ELFN1: variants seen among roughly 807,000 people sequenced by gnomAD.
The protein encoded by ELFN1 is protein ELFN1.
In ELFN1, 6 loss-of-function variants were observed where a neutral mutation model predicts 7.6. The observed-to-expected ratio is 0.79, with a 90% CI of 0.43 to 1.56. The LOEUF (loss-of-function observed/expected upper bound fraction) is 1.56. Among genes scored for constraint, ELFN1 ranks in the 40% most tolerant of loss-of-function variants. ELFN1 has a pLI of 0.01. For missense variants in ELFN1, 1,169 were observed against 1,232.2 expected, an observed-to-expected ratio of 0.95 and a Z score of 0.77; for synonymous variants, 657 against 588.1, an observed-to-expected ratio of 1.12 and a Z score of -1.70.
At chr7:1,708,368 C>A (rs561235351) in intron 2 of ELFN1, among the ~76,000 whole-genome samples, 3 of 152,198 alleles carry the variant, frequency 2.0e-5, no homozygotes, top group Admixed American at 2.0e-4. Context: ...AGTGGGTGGA[C>A]GAATGACCTG....
intron 3 of ELFN1, among the ~76,000 whole-genome samples, chr7:1,743,560 C>T (rs979634132): frequency 6.6e-6 from 1 of 152,150 alleles, no homozygotes; most frequent in Non-Finnish European, 1.5e-5. Flanking sequence ...AACTGAGGCC[C>T]AGAGGGGGCA....
At chr7:1,723,696 C>T (rs1780094815) in intron 3 of ELFN1, among the ~76,000 whole-genome samples, 4 of 152,234 alleles carry the variant, frequency 2.6e-5, no homozygotes, top group Admixed American at 2.0e-4. Context: ...GCATCTTTGC[C>T]TTGGTGAGAT....
chr7:1,742,248 T>C (rs1455137931), intron 3 of ELFN1: 4 of 152,228 alleles, frequency 2.6e-5, no homozygotes, highest in Non-Finnish European at 5.9e-5. Context: ...TTAAAGGTGA[T>C]TACGATTGTG....
intron 3 of ELFN1, among the ~76,000 whole-genome samples, chr7:1,712,949 A>C (rs1779705930): frequency 6.6e-6 from 1 of 152,170 alleles, no homozygotes; most frequent in Non-Finnish European, 1.5e-5. Flanking sequence ...CCTGGCATCA[A>C]GTAGATACTC....
rs1393360021 is a variant in ELFN1, at chr7:1,695,118, G to A, written c.-456+6968G>A. 7.2e-5 allele frequency among the ~76,000 whole-genome samples: 11 copies of A among 152,242 alleles called. No homozygotes were observed. Among genetic ancestry groups the A allele is most frequent in the Admixed American group, 3.3e-4 (5 of 15,286 alleles). Reference sequence around the variant, plus strand: ...GCTGTGCCAGGCAGCAGACGTGGCCGACAGGCACATGGTGGGACCTGCTCT... The same window carrying A: ...GCTGTGCCAGGCAGCAGACGTGGCCAACAGGCACATGGTGGGACCTGCTCT... On this transcript the variant is annotated intron_variant, in intron 2 of 3. Coordinates refer to ENST00000424383, the MANE Select transcript of ELFN1 (RefSeq NM_001128636.4). This position sits in a 1 kb window ranked among gnomAD's most constrained non-coding sequence, Gnocchi z 5.1.
intron 2 of ELFN1, among the ~76,000 whole-genome samples, chr7:1,697,910 G>T (rs1318772635): frequency 1.3e-5 from 2 of 152,188 alleles, no homozygotes; most frequent in Non-Finnish European, 2.9e-5. Flanking sequence ...TCAGCCTCCA[G>T]GTGTGGGAAG....
At chr7:1,725,961 A>ACTCG (rs1780183105) in intron 3 of ELFN1, among the ~76,000 whole-genome samples, 1 of 151,882 alleles carries the variant, frequency 6.6e-6, no homozygotes, top group Non-Finnish European at 1.5e-5. Flanking sequence ...CAAAAGTCAC[A>ACTCG]CAATACACAA....
intron 1 of ELFN1, among the ~76,000 whole-genome samples, chr7:1,683,468 T>A (rs1179192346): frequency 6.6e-6 from 1 of 152,248 alleles, no homozygotes; most frequent in Non-Finnish European, 1.5e-5. Context: ...GGTGTAAAGT[T>A]GTTCATAATA....
chr7:1,704,455 A>G (rs1779488933), intron 2 of ELFN1, among the ~76,000 whole-genome samples: 1 of 151,776 alleles, frequency 6.6e-6, no homozygotes, highest in African/African-American at 2.4e-5. Context: ...ATGCACACAC[A>G]CTCATGCATG....
intron 3 of ELFN1, among the ~76,000 whole-genome samples, chr7:1,719,195 A>G (rs1251736162): frequency 3.7e-5 from 4 of 108,910 alleles, no homozygotes; most frequent in Admixed American, 9.1e-5. Context: ...ACAGGACCCA[A>G]GCCACCAACA....
chr7:1,713,290 C>T (rs1456679163), intron 3 of ELFN1, among the ~76,000 whole-genome samples: 1 of 152,164 alleles, frequency 6.6e-6, no homozygotes, highest in African/African-American at 2.4e-5. Context: ...GCTTCCCAGC[C>T]CGGCCCACCT....
chr7:1,701,127 G>T (rs1215359859), intron 2 of ELFN1, among the ~76,000 whole-genome samples: 1 of 151,612 alleles, frequency 6.6e-6, no homozygotes, highest in Non-Finnish European at 1.5e-5. Flanking sequence ...ATGTGAGCCT[G>T]TGTGTGCATG....
At chr7:1,688,702 A>G (rs1484902562) in intron 2 of ELFN1, among the ~76,000 whole-genome samples, 1 of 152,174 alleles carries the variant, frequency 6.6e-6, no homozygotes, top group Non-Finnish European at 1.5e-5. Flanking sequence ...TGTACCCTTT[A>G]TCCAGTTCCC....
At position 1,747,105 on chromosome 7, in the gene ELFN1, C is replaced by G; in HGVS notation, c.*22C>G. ...CTGAGCCCCCCAAGACCGGCGATGC[C>G]CACTGGACCAAAAAGGATGCAGGAT... On this transcript the variant is annotated 3_prime_UTR_variant, in exon 4 of 4. Coordinates refer to ENST00000424383, the MANE Select transcript of ELFN1 (RefSeq NM_001128636.4). The G allele has an allele frequency of 9.7e-6, 14 of 1,446,448 alleles. No homozygotes were observed. The highest frequency in any genetic ancestry group is 1.3e-5 in the Non-Finnish European group (14 of 1,093,258). 89.6% of individuals were successfully genotyped at this position (1,446,448 alleles called of 1,614,324 possible).
chr7:1,697,241 C>CGGT (rs1420550613), intron 2 of ELFN1, among the ~76,000 whole-genome samples: 2 of 152,206 alleles, frequency 1.3e-5, no homozygotes, highest in Non-Finnish European at 2.9e-5. Flanking sequence ...AGGGGAGGGT[C>CGGT]TCACGCCCAT....
rs888819671 is a variant in ELFN1, at chr7:1,695,761, A to AC, written c.-456+7611_-456+7612insC. On this transcript the variant is annotated intron_variant, in intron 2 of 3. Coordinates refer to ENST00000424383, the MANE Select transcript of ELFN1 (RefSeq NM_001128636.4). The surrounding 1 kb of genome is among the most constrained non-coding windows in gnomAD (Gnocchi z 5.1). The stretch of plus-strand genomic sequence containing the variant: ...AGACTCCGTGTCAAAAAAAAAAAAA[A>AC]AAAAAAAAAAACCGTGCTGGTTTGG... 2.7e-5 allele frequency among the ~76,000 whole-genome samples: 4 copies of AC among 150,642 alleles called. No homozygotes were observed. The highest frequency in any genetic ancestry group is 2.1e-4 in the South Asian group (1 of 4,796).
intron 2 of ELFN1, among the ~76,000 whole-genome samples, chr7:1,707,322 G>C (rs1287669608): frequency 6.6e-6 from 1 of 152,246 alleles, no homozygotes; most frequent in Non-Finnish European, 1.5e-5. Flanking sequence ...GCACACGCCT[G>C]TCTCCTAGTC....
chr7:1,720,302 G>A (rs549728851), intron 3 of ELFN1, among the ~76,000 whole-genome samples: 7 of 152,298 alleles, frequency 4.6e-5, no homozygotes, highest in African/African-American at 1.7e-4. Flanking sequence ...GTGGGCAGAC[G>A]TCTCCACAGT....
rs150138100 is a variant in ELFN1, at chr7:1,706,820, C to T, written c.-455-2271C>T. Among the ~76,000 whole-genome samples the T allele has an allele frequency of 8.5e-3, 1,291 of 152,346 alleles. 19 individuals are homozygous for T. Among genetic ancestry groups the T allele is most frequent in the African/African-American group, 0.029 (1,221 of 41,572 alleles). On this transcript the variant is annotated intron_variant, in intron 2 of 3. Transcript: ENST00000424383. Reference sequence around the variant, plus strand: ...TGTGTCCAGCCCCTCGGGTGCCATGCGTTGGCAGATGCTAGGCAGGATGTT... The same window carrying T: ...TGTGTCCAGCCCCTCGGGTGCCATGTGTTGGCAGATGCTAGGCAGGATGTT...
Sources: gnomAD v4.1 joint callset for allele counts (sites outside exome capture counted in the v4.1 genomes callset) on GRCh38, gnomAD v4.1.1 for gene constraint, Gnocchi (gnomAD v3.1) non-coding constraint, MANE v1.5 for transcripts, NCBI Gene and HGNC (gene_info 2026-07-23, HGNC 2026-07-21) for gene names.